NTM: variants seen among roughly 807,000 people sequenced by gnomAD.
The protein encoded by NTM is IgLON family member 2.
Under a neutral mutation model 42.1 loss-of-function variants are expected in NTM, and 13 were observed. The ratio of observed to expected loss-of-function variants is 0.31; its 90% confidence interval spans 0.20 to 0.49. The LOEUF is 0.49. NTM is among the 20% of genes least tolerant of loss of function. The probability of loss-of-function intolerance (pLI) is 0.99; values close to 1 mark genes in which losing one functional copy is unlikely to be tolerated. For synonymous variants in NTM, 187 were observed against 179.2 expected (o/e 1.04, Z -0.35); for missense variants, 373 against 452.8 (o/e 0.82, Z 1.60).
intron 2 of NTM, among the ~76,000 whole-genome samples, chr11:132,104,521 G>A (rs901456889): frequency 2.0e-5 from 3 of 151,664 alleles, no homozygotes; most frequent in Non-Finnish European, 4.4e-5. Flanking sequence ...GGAGGCCAAG[G>A]CAGGAGGATT....
chr11:131,587,134 T>C (rs1033929231), intron 1 of NTM, among the ~76,000 whole-genome samples: 1 of 152,208 alleles, frequency 6.6e-6, no homozygotes, highest in Non-Finnish European at 1.5e-5. Context: ...AGTTCTGTTA[T>C]TATCTCCATT....
Position 131,830,993 on chromosome 11 carries a change from G to A in NTM, c.83-80571G>A, listed in dbSNP as rs576150492. ...TCAGCTTGAAAGCTATTGGTGTATA[G>A]AAATGCTACTGATTTTTGTACATGG... On this transcript the variant is annotated intron_variant, in intron 1 of 8. Transcript: ENST00000683400. 6.6e-5 allele frequency among the ~76,000 whole-genome samples: 10 copies of A among 152,250 alleles called. No individual in the cohort carries two copies. In the South Asian group the frequency reaches 1.9e-3, roughly 28 times the overall value.
chr11:131,806,675 G>T (rs1338814418), intron 1 of NTM, among the ~76,000 whole-genome samples: 1 of 152,074 alleles, frequency 6.6e-6, no homozygotes, highest in Non-Finnish European at 1.5e-5. Flanking sequence ...GTGGTTCCCG[G>T]ATTTTATGCT....
chr11:131,498,016 C>T (rs1261398224), intron 1 of NTM, among the ~76,000 whole-genome samples: 1 of 152,324 alleles, frequency 6.6e-6, no homozygotes, highest in African/African-American at 2.4e-5. Context: ...GGACTAGCTG[C>T]GTTAGGAATA....
At chr11:132,027,048 A>G (rs1030198137) in intron 2 of NTM, among the ~76,000 whole-genome samples, 9 of 152,228 alleles carry the variant, frequency 5.9e-5, no homozygotes, top group African/African-American at 1.9e-4. Flanking sequence ...AAAGAAACTC[A>G]TCCTGAGAAT....
chr11:131,466,752 T>A (rs896550405), intron 1 of NTM, among the ~76,000 whole-genome samples: 1 of 152,214 alleles, frequency 6.6e-6, no homozygotes, highest in African/African-American at 2.4e-5. Context: ...ATAGAGCAAA[T>A]AGAATCAAGT....
At chr11:131,564,863 A>G (rs1366509945) in intron 1 of NTM, among the ~76,000 whole-genome samples, 1 of 150,042 alleles carries the variant, frequency 6.7e-6, no homozygotes, top group Non-Finnish European at 1.5e-5. Context: ...ACACATACAC[A>G]CACATACACA....
chr11:131,567,802 A>C (rs999228963), intron 1 of NTM, among the ~76,000 whole-genome samples: 2 of 152,228 alleles, frequency 1.3e-5, no homozygotes, highest in Admixed American at 1.3e-4. Context: ...GCCCATCAAA[A>C]TGAGAAGATG....
intron 2 of NTM, among the ~76,000 whole-genome samples, chr11:131,953,478 G>A (rs978178416): frequency 6.6e-5 from 10 of 152,128 alleles, no homozygotes; most frequent in African/African-American, 2.4e-4. Flanking sequence ...TACCTATGGA[G>A]CATGACATAA....
At chr11:131,881,508 A>ACACC (rs1357636852) in intron 1 of NTM, among the ~76,000 whole-genome samples, 1 of 116,230 alleles carries the variant, frequency 8.6e-6, no homozygotes, top group African/African-American at 2.8e-5. Flanking sequence ...ACACACACAC[A>ACACC]CCCCCCAAAG....
chr11:131,630,245 A>C (rs1018608768), intron 1 of NTM, among the ~76,000 whole-genome samples: 3 of 152,198 alleles, frequency 2.0e-5, no homozygotes, highest in Admixed American at 2.0e-4. Context: ...GCCTTGGATC[A>C]GGAGAAATCC....
At chr11:132,142,574 T>C (rs900673548) in intron 2 of NTM, among the ~76,000 whole-genome samples, 11 of 152,070 alleles carry the variant, frequency 7.2e-5, no homozygotes, top group Middle Eastern at 3.4e-3. Flanking sequence ...TGGGGGCAGG[T>C]GTGAGGAGGT....
At chr11:131,633,766 C>CCTCCCTCTCT (rs1565355326) in intron 1 of NTM, among the ~76,000 whole-genome samples, 1 of 39,998 alleles carries the variant, frequency 2.5e-5, no homozygotes, top group African/African-American at 7.1e-5. Context: ...CCTCTCTCTC[C>CCTCCCTCTCT]CTCTCTCTCT....
At chr11:131,712,658 G>T (rs1034405866) in intron 1 of NTM, among the ~76,000 whole-genome samples, 1 of 151,720 alleles carries the variant, frequency 6.6e-6, no homozygotes, top group African/African-American at 2.4e-5. Flanking sequence ...ACTCAGGCTG[G>T]AGTGCCTTGG....
chr11:132,230,246 TAGCAGCAA>T (rs1218412758), intron 4 of NTM, among the ~76,000 whole-genome samples: 2 of 152,192 alleles, frequency 1.3e-5, no homozygotes, highest in Non-Finnish European at 1.5e-5. Flanking sequence ...TTATAAACAG[TAGCAGCAA>T]AGACTTCTCA....
chr11:131,825,063 G>T (rs969747705), intron 1 of NTM, among the ~76,000 whole-genome samples: 9 of 152,174 alleles, frequency 5.9e-5, no homozygotes, highest in Non-Finnish European at 1.3e-4. Context: ...TGGCAGGGTG[G>T]TTCCTTCTGA....
intron 1 of NTM, among the ~76,000 whole-genome samples, chr11:131,841,165 G>T (rs565703151): frequency 6.6e-6 from 1 of 152,316 alleles, no homozygotes; most frequent in South Asian, 2.1e-4. Flanking sequence ...TCAAAGTCCT[G>T]CAGGGAGAGA....
intron 7 of NTM, among the ~76,000 whole-genome samples, chr11:132,315,351 G>A (rs1029558641): frequency 9.2e-5 from 14 of 152,178 alleles, no homozygotes; most frequent in Admixed American, 6.5e-5. Flanking sequence ...AGACAGCTGT[G>A]CAGACATGAG....
chr11:132,092,104 G>A (rs1170335535), intron 2 of NTM, among the ~76,000 whole-genome samples: 2 of 152,018 alleles, frequency 1.3e-5, no homozygotes, highest in African/African-American at 2.4e-5. Flanking sequence ...TCTCAGTAAC[G>A]CCATTTGATA....
Sources: allele counts gnomAD v4.1 joint callset (sites outside exome capture counted in the v4.1 genomes callset), GRCh38; gene constraint gnomAD v4.1.1; transcripts MANE v1.5; gene names NCBI Gene and HGNC (gene_info 2026-07-23, HGNC 2026-07-21).